PPP4R3A: variants seen among roughly 807,000 people sequenced by gnomAD.
PPP4R3A encodes serine/threonine-protein phosphatase 4 regulatory subunit 3A.
In PPP4R3A, 15 loss-of-function variants were observed where a neutral mutation model predicts 91.7. The observed-to-expected ratio is 0.16, with a 90% confidence interval of 0.11 to 0.25. The LOEUF is 0.25. Among genes scored for constraint, PPP4R3A ranks in the 10% least tolerant of loss-of-function variants. The pLI, the probability that PPP4R3A is intolerant of heterozygous loss-of-function variation, is 1.00. For missense variants in PPP4R3A, 623 were observed against 998.4 expected (o/e 0.62, Z 5.07); for synonymous variants, 377 against 348.7 (o/e 1.08, Z -0.91).
intron 3 of PPP4R3A, among the ~76,000 whole-genome samples, chr14:91,484,700 T>C (rs796282291): frequency 9.8e-5 from 15 of 152,336 alleles, no homozygotes; most frequent in African/African-American, 3.6e-4. Flanking sequence ...GTCTCAGAAT[T>C]TGCATTTCTA....
intron 7 of PPP4R3A, among the ~76,000 whole-genome samples, chr14:91,473,941 G>T (rs896093465): frequency 5.3e-5 from 8 of 151,896 alleles, no homozygotes; most frequent in African/African-American, 1.9e-4. Context: ...GGCTAATTTT[G>T]TATTTTTAGT....
intron 3 of PPP4R3A, 151 bp from the exon 4 acceptor site, chr14:91,482,344 C>G: frequency 1.2e-6 from 1 of 847,736 alleles, no homozygotes; most frequent in Non-Finnish European, 1.7e-6. Flanking sequence ...TTACATTTCT[C>G]CAAATATGTA....
At chr14:91,507,420 A>ATATATAATATAATTATATATACTACATAG (rs1566660364) in intron 1 of PPP4R3A, among the ~76,000 whole-genome samples, 1 of 79,790 alleles carries the variant, frequency 1.3e-5, no homozygotes, top group Non-Finnish European at 2.2e-5. Context: ...ATACTATATA[A>ATATATAATATAATTATATATACTACATAG]TATATATACT....
chr14:91,487,221 G>A (rs1269180060), intron 2 of PPP4R3A, among the ~76,000 whole-genome samples: 2 of 129,668 alleles, frequency 1.5e-5, no homozygotes, highest in Non-Finnish European at 3.1e-5. Context: ...CTGCACTCCA[G>A]CCTGGGTGAC....
chr14:91,506,246 C>T (rs1002858272), intron 1 of PPP4R3A, among the ~76,000 whole-genome samples: 7 of 152,088 alleles, frequency 4.6e-5, no homozygotes, highest in African/African-American at 1.2e-4. Context: ...TGTGCCCGGC[C>T]GAAAATATCT....
intron 9 of PPP4R3A, 97 bp from the exon 10 acceptor site, chr14:91,471,092 A>G (rs1256761936): frequency 2.6e-6 from 3 of 1,145,242 alleles, no homozygotes; most frequent in Non-Finnish European, 3.6e-6. Context: ...AATCTCTTCT[A>G]TTAACCTAAA....
chr14:91,461,435 G>GCCTGGAGAT lies in PPP4R3A; in HGVS notation c.2328_2336dup (p.Pro781_Ser783dup). 2 of 1,614,074 alleles carry GCCTGGAGAT rather than the reference G, an allele frequency of 1.2e-6. No homozygotes were observed. Among genetic ancestry groups the GCCTGGAGAT allele is most frequent in the Non-Finnish European group, 1.7e-6 (2 of 1,179,952 alleles). ...TATTTTTAGGTACGGATCCAGGAGA[G>GCCTGGAGAT]CCTGGAGATCCTGGGGATCCAGGTG... On this transcript the variant is annotated inframe_insertion, in exon 14 of 15. Coordinates refer to ENST00000554943, the MANE Select transcript of PPP4R3A (RefSeq NM_001366432.2).
At chr14:91,510,368 A>C (rs1891729995), upstream of PPP4R3A, 1 of 152,456 alleles carries the variant, frequency 6.6e-6, no homozygotes, top group African/African-American at 2.4e-5. Flanking sequence ...ATTTAAAGAG[A>C]CAGCAGCGAG....
intron 2 of PPP4R3A, among the ~76,000 whole-genome samples, chr14:91,489,216 T>A (rs781176198): frequency 1.3e-5 from 2 of 152,140 alleles, no homozygotes; most frequent in Non-Finnish European, 2.9e-5. Flanking sequence ...TGGTACTACT[T>A]CTTAGTGATG....
intron 10 of PPP4R3A, chr14:91,466,256 C>G: frequency 1.0e-6 from 1 of 985,812 alleles, no homozygotes; most frequent in Non-Finnish European, 1.2e-6. Flanking sequence ...AAAAAGCATA[C>G]TCACTTCATG....
At chr14:91,473,488 G>T in intron 7 of PPP4R3A, 118 bp from the exon 8 acceptor site, 1 of 1,086,344 alleles carries the variant, frequency 9.2e-7, no homozygotes, top group Non-Finnish European at 1.3e-6. Flanking sequence ...TAACTGCAAA[G>T]TGAAATGTTT....
rs1889589549 is a variant in PPP4R3A, at chr14:91,481,965, G to A, written c.526C>T (p.Leu176Phe). Residue 176 changes from leucine (L) to phenylalanine (F), a missense_variant, in exon 4 of 15, where the codon CTT (leucine) becomes TTT (phenylalanine). This residue lies in a region of PPP4R3A where 264 missense variants were observed against 377.3 expected (regional missense o/e 0.70). Coordinates refer to ENST00000554943, the MANE Select transcript of PPP4R3A (RefSeq NM_001366432.2). ...TCCAAATCTTCACACACATGAAAAA[G>A]CTCCAGGAGCTTTTTAATATAACCC... The part of the protein sequence containing the change: ...NEGYIKKLLE[L>F]FHVCEDLENI... 6.2e-7 allele frequency: 1 copy of A among 1,614,004 alleles called. No individual in the cohort carries two copies. Among genetic ancestry groups the A allele is most frequent in the Non-Finnish European group, 8.5e-7 (1 of 1,180,006 alleles).
chr14:91,467,764 GA>G (rs1888561759), intron 10 of PPP4R3A, among the ~76,000 whole-genome samples: 2 of 152,218 alleles, frequency 1.3e-5, no homozygotes, highest in East Asian at 3.9e-4. Context: ...CTTTAAAGAT[GA>G]CAAAGTATAA....
chr14:91,501,871 A>ATTTTTTT (rs755484959), intron 1 of PPP4R3A, among the ~76,000 whole-genome samples: 2 of 100,238 alleles, frequency 2.0e-5, no homozygotes, highest in Non-Finnish European at 3.8e-5. Flanking sequence ...AGCCCGGCTA[A>ATTTTTTT]TTTTTTTTTT....
chr14:91,508,953 TTC>T (rs1184178874), intron 1 of PPP4R3A, among the ~76,000 whole-genome samples: 2 of 152,222 alleles, frequency 1.3e-5, no homozygotes, highest in Non-Finnish European at 2.9e-5. Context: ...GGAAAGCGTT[TTC>T]TCTTAGTGTA....
At chr14:91,460,013 T>TG (rs993381696) in intron 14 of PPP4R3A, among the ~76,000 whole-genome samples, 2 of 151,940 alleles carry the variant, frequency 1.3e-5, no homozygotes, top group African/African-American at 4.8e-5. Flanking sequence ...CACTGCCGCT[T>TG]GCTTTATTTA....
rs1400198129 is a variant in PPP4R3A, at chr14:91,462,359, T to C, written c.1974-120A>G. 4 of 979,778 alleles carry C rather than the reference T, an allele frequency of 4.1e-6. No individual in the cohort carries two copies. The South Asian group carries it at 1.1e-4, about 27-fold the overall frequency. 60.7% of individuals were successfully genotyped at this position (979,778 alleles called of 1,614,324 possible). ...CATGAAATTTACAAATATTAAAGTATCAATGTAAATCCAGGTATTTAGATT... is the reference window on the plus strand; with the variant it reads ...CATGAAATTTACAAATATTAAAGTACCAATGTAAATCCAGGTATTTAGATT... On this transcript the variant is annotated intron_variant, in intron 12 of 14. Coordinates refer to ENST00000554943, the MANE Select transcript of PPP4R3A (RefSeq NM_001366432.2).
chr14:91,459,975 C>T (rs889238010), intron 14 of PPP4R3A, among the ~76,000 whole-genome samples: 3 of 152,038 alleles, frequency 2.0e-5, no homozygotes, highest in African/African-American at 7.2e-5. Context: ...TCTGGGTTTC[C>T]TTTTAGCCCT....
intron 10 of PPP4R3A, among the ~76,000 whole-genome samples, chr14:91,468,693 A>G (rs1421114532): frequency 6.9e-6 from 1 of 144,970 alleles, no homozygotes; most frequent in African/African-American, 2.6e-5. Flanking sequence ...AAAAAAAGGA[A>G]AAAAGAAAAA....
Sources: gnomAD v4.1 joint callset for allele counts (sites outside exome capture counted in the v4.1 genomes callset) on GRCh38, gnomAD v4.1.1 for gene constraint, gnomAD v4.1.1 regional missense constraint, MANE v1.5 for transcripts, NCBI Gene and HGNC (gene_info 2026-07-23, HGNC 2026-07-21) for gene names.